The following TMEM164 variants were observed in gnomAD, a reference collection of about 807,000 sequenced individuals.
The protein encoded by TMEM164 is RP13-360B22.2.
TMEM164 carries 4 observed loss-of-function variants against 18.8 expected under a neutral mutation model. The observed-to-expected ratio is 0.21, with a 90% CI of 0.10 to 0.49. The LOEUF is 0.49. Among genes scored for constraint, TMEM164 ranks in the 20% least tolerant of loss-of-function variants. The pLI, the probability that TMEM164 is intolerant of heterozygous loss-of-function variation, is 0.98. For synonymous variants in TMEM164, 86 were observed against 101.7 expected, an observed-to-expected ratio of 0.85 and a Z score of 0.93; for missense variants, 108 against 239.9, an observed-to-expected ratio of 0.45 and a Z score of 3.63.
At chrX:110,085,220 GCA>G (rs2065834002) in intron 3 of TMEM164, among the ~76,000 whole-genome samples, 1 of 105,626 alleles carries the variant, frequency 9.5e-6, no homozygotes, top group Non-Finnish European at 1.9e-5. Context: ...GAGTGCAGTG[GCA>G]TGTTCATAGC....
rs1434500325 is a variant in TMEM164, at chrX:110,048,697, TGGGGGTTATTTGTA to T, written c.391-18648_391-18635del. Among the ~76,000 whole-genome samples, 3 of 111,710 alleles carry T rather than the reference TGGGGGTTATTTGTA, an allele frequency of 2.7e-5. No individual in the cohort carries two copies. In the Admixed American group the frequency reaches 2.9e-4, roughly 11 times the overall value. ...CTGAATGCATTGGAATAACTTACCC[TGGGGGTTATTTGTA>T]GCAGTCTCAAATCATTTGATCAGGG... On this transcript the variant is annotated intron_variant, in intron 2 of 6. Transcript: ENST00000372068.
At chrX:110,179,390 G>T (rs963671980), downstream of TMEM164, among the ~76,000 whole-genome samples, 5 of 111,593 alleles carry the variant, frequency 4.5e-5, no homozygotes, top group Admixed American at 4.7e-4. Flanking sequence ...AGAATATAAA[G>T]CCCAGGCTCT....
intron 3 of TMEM164, among the ~76,000 whole-genome samples, chrX:110,103,399 G>A (rs983880618): frequency 1.8e-5 from 2 of 111,763 alleles, no homozygotes; most frequent in African/African-American, 6.5e-5. Context: ...GCAGGACAGG[G>A]TGAATAGTTA....
In TMEM164 at chrX:110,095,990, T is replaced by G. The variant is rs1360703658; in HGVS notation, c.441-13090T>G. On this transcript the variant is annotated intron_variant, in intron 3 of 6. Transcript: ENST00000372068. Reference sequence around the variant, plus strand: ...TTGCCTGGGTATCACCAGCGGAGGCTGCAGAACAGCAAATATTGCAGAACA... The same window carrying G: ...TTGCCTGGGTATCACCAGCGGAGGCGGCAGAACAGCAAATATTGCAGAACA... Among the ~76,000 whole-genome samples the G allele has an allele frequency of 9.8e-5, 11 of 112,544 alleles. No homozygotes were observed. In the East Asian group the frequency reaches 3.1e-3, roughly 31 times the overall value.
chrX:110,057,989 C>T (rs777855307), intron 2 of TMEM164, among the ~76,000 whole-genome samples: 2 of 111,669 alleles, frequency 1.8e-5, no homozygotes, highest in Admixed American at 9.5e-5. Flanking sequence ...TTTTCTTGCA[C>T]GTGCTTTTGA....
At chrX:110,021,526 T>C (rs1029717635) in intron 2 of TMEM164, among the ~76,000 whole-genome samples, 1 of 108,193 alleles carries the variant, frequency 9.2e-6, no homozygotes, top group Non-Finnish European at 1.9e-5. Flanking sequence ...TGTTTGTATG[T>C]GTGTGTGTGT....
intron 2 of TMEM164, among the ~76,000 whole-genome samples, chrX:110,054,772 C>T (rs184142570): frequency 8.9e-6 from 1 of 111,823 alleles, no homozygotes; most frequent in East Asian, 2.8e-4. Flanking sequence ...TCAGCTTACC[C>T]AGGGCTGTTG....
At chrX:110,014,744 C>CTTTTTTTTTTTTTTTTTTTTTTTTCT (rs142705177) in intron 2 of TMEM164, among the ~76,000 whole-genome samples, 3 of 54,211 alleles carry the variant, frequency 5.5e-5, no homozygotes, top group Non-Finnish European at 9.6e-5. Context: ...TTGGTTGTTT[C>CTTTTTTTTTTTTTTTTTTTTTTTTCT]TTTTTTTTTT....
At chrX:110,139,151 A>G (rs2066733265) in intron 4 of TMEM164, among the ~76,000 whole-genome samples, 1 of 112,505 alleles carries the variant, frequency 8.9e-6, no homozygotes, top group Non-Finnish European at 1.9e-5. Flanking sequence ...GTATTTTAGC[A>G]TGTTTGTTTT....
intron 2 of TMEM164, among the ~76,000 whole-genome samples, chrX:110,029,284 GA>G (rs1045833910): frequency 5.4e-5 from 6 of 111,848 alleles, no homozygotes; most frequent in African/African-American, 2.0e-4. Flanking sequence ...GAGGGGTTGG[GA>G]AGGAAAGCTT....
At position 110,046,053 on chromosome X, in the gene TMEM164, C is replaced by T. The variant is rs755011196; in HGVS notation, c.391-21294C>T. ...GACCAGATCTAGGCTCCTACCTTTA[C>T]AATCGACTTCTGGGTTGAGTCAACA... On this transcript the variant is annotated intron_variant, in intron 2 of 6. Transcript: ENST00000372068. 1,246 of 753,033 alleles carry T rather than the reference C, an allele frequency of 1.7e-3. 1 individual carries two copies. The highest frequency in any genetic ancestry group is 1.9e-3 in the Non-Finnish European group (1,212 of 639,036). The allele number at this position is 753,033 out of a possible 1,213,427, so 62.1% of individuals were successfully genotyped here. A position where few individuals can be genotyped will look rare whatever the true frequency, so the allele number is the denominator to read the frequency against.
In TMEM164 at chrX:110,163,675, C is replaced by T. The variant is rs753321034; in HGVS notation, c.587-7745C>T. Reference sequence around the variant, plus strand: ...GAACGGGAGCTATTAAAGTACTTTCCGTTTATACACTAATGGACTTAATCC... The same window carrying T: ...GAACGGGAGCTATTAAAGTACTTTCTGTTTATACACTAATGGACTTAATCC... On this transcript the variant is annotated intron_variant, in intron 5 of 6. Coordinates refer to ENST00000372068, the MANE Select transcript of TMEM164 (RefSeq NM_032227.4). Among the ~76,000 whole-genome samples, 15 of 112,189 alleles carry T rather than the reference C, an allele frequency of 1.3e-4. No individual in the cohort carries two copies. The East Asian group carries it at 3.1e-3, about 23-fold the overall frequency.
rs367718317 is a variant in TMEM164, at chrX:110,051,593, AAAAG to A, written c.391-15726_391-15723del. Among the ~76,000 whole-genome samples, 131 of 102,987 alleles carry A rather than the reference AAAAG, an allele frequency of 1.3e-3. 1 individual carries two copies. Among genetic ancestry groups the A allele is most frequent in the South Asian group, 4.2e-3 (10 of 2,367 alleles). 89.4% of individuals were successfully genotyped at this position (102,987 alleles called of 115,157 possible). A position where few individuals can be genotyped will look rare whatever the true frequency, so the allele number is the denominator to read the frequency against. On this transcript the variant is annotated intron_variant, in intron 2 of 6. Coordinates refer to ENST00000372068, the MANE Select transcript of TMEM164 (RefSeq NM_032227.4). ...GAGGTAACTTTCTTTCAAAAAAAAA[AAAAG>A]AAAGAAAGAAAGAAAGAAAGAAAGA...
chrX:110,107,055 T>G (rs773652597), intron 3 of TMEM164, among the ~76,000 whole-genome samples: 2 of 112,106 alleles, frequency 1.8e-5, no homozygotes, highest in Admixed American at 9.4e-5. Flanking sequence ...CTTTTCCACT[T>G]TAGTCATCCT....
chrX:110,086,145 A>C (rs1602595388), intron 3 of TMEM164, among the ~76,000 whole-genome samples: 1 of 112,173 alleles, frequency 8.9e-6, no homozygotes, highest in African/African-American at 3.2e-5. Flanking sequence ...GTTGGCCATC[A>C]GTTTAAGTTT....
intron 3 of TMEM164, among the ~76,000 whole-genome samples, chrX:110,088,155 C>T (rs1440836232): frequency 1.8e-5 from 2 of 112,130 alleles, no homozygotes; most frequent in African/African-American, 6.5e-5. Context: ...GGGAGAAATT[C>T]AGACCTCAGG....
At position 110,175,398 on chromosome X, in the gene TMEM164, C is replaced by T. The variant is rs1338612687; in HGVS notation, c.*1947C>T. Reference sequence around the variant, plus strand: ...CTTGGAGTTGCTGCCAGCAGAGGATCTGTGCCTCAGCTGAAGACTAGCTCC... The same window carrying T: ...CTTGGAGTTGCTGCCAGCAGAGGATTTGTGCCTCAGCTGAAGACTAGCTCC... On this transcript the variant is annotated 3_prime_UTR_variant, in exon 7 of 7. Coordinates refer to ENST00000372068, the MANE Select transcript of TMEM164 (RefSeq NM_032227.4). The T allele has an allele frequency of 8.8e-6, 1 of 113,361 alleles. No individual in the cohort carries two copies. Among genetic ancestry groups the T allele is most frequent in the Non-Finnish European group, 1.9e-5 (1 of 53,447 alleles). The allele number at this position is 113,361 out of a possible 1,213,427, so 9.3% of individuals were successfully genotyped here.
chrX:110,071,137 G>T (rs1350131846), intron 3 of TMEM164, among the ~76,000 whole-genome samples: 1 of 101,801 alleles, frequency 9.8e-6, no homozygotes, highest in African/African-American at 3.5e-5. Context: ...TTACATTTAT[G>T]TAGAGATTTT....
chrX:110,133,464 T>G (rs2066641644), intron 4 of TMEM164, among the ~76,000 whole-genome samples: 1 of 112,254 alleles, frequency 8.9e-6, no homozygotes, highest in African/African-American at 3.2e-5. Flanking sequence ...TAATCTCTTC[T>G]TATGAGGACA....
Sources: gnomAD v4.1 joint callset for allele counts (sites outside exome capture counted in the v4.1 genomes callset) on GRCh38, gnomAD v4.1.1 for gene constraint, MANE v1.5 for transcripts, NCBI Gene and HGNC (gene_info 2026-07-23, HGNC 2026-07-21) for gene names.